Variants in KCTD17 observed in about 807,000 individuals in gnomAD.
KCTD17 encodes the protein potassium channel tetramerization domain containing 17, also known as BTB/POZ domain-containing protein KCTD17.
In KCTD17, 20 loss-of-function variants were observed where a neutral mutation model predicts 41.5. That is an observed-to-expected ratio of 0.48 (90% CI 0.34 to 0.70). The LOEUF (loss-of-function observed/expected upper bound fraction) is 0.70. Among genes scored for constraint, KCTD17 ranks in the 30% least tolerant of loss-of-function variants. The pLI is 0.01. For synonymous variants in KCTD17, 156 were observed against 173.8 expected (o/e 0.90, Z 0.80); for missense variants, 317 against 427.2 (o/e 0.74, Z 2.27).
chr22:37,053,288 AC>A lies in KCTD17; in HGVS notation c.298+82del. 1.8e-6 allele frequency: 2 copies of A among 1,091,292 alleles called. No individual in the cohort carries two copies. Among genetic ancestry groups the A allele is most frequent in the Non-Finnish European group, 2.7e-6 (2 of 733,608 alleles). The allele number at this position is 1,091,292 out of a possible 1,614,324, so 67.6% of individuals were successfully genotyped here. A position where few individuals can be genotyped will look rare whatever the true frequency, so the allele number is the denominator to read the frequency against. The stretch of plus-strand genomic sequence containing the variant: ...GTGGAGGCCCCAAGCCATTTGGACA[AC>A]CAGGACGGCCATCTGCCTGCTTGGT... On this transcript the variant is annotated intron_variant, in intron 2 of 8. Coordinates refer to ENST00000403888, the MANE Select transcript of KCTD17 (RefSeq NM_001282684.2). The surrounding 1 kb of genome is among the most constrained non-coding windows in gnomAD (Gnocchi z 4.1).
intron 5 of KCTD17, among the ~76,000 whole-genome samples, chr22:37,059,834 T>C (rs78029853): frequency 0.017 from 2,533 of 152,260 alleles, 40 homozygotes; most frequent in Non-Finnish European, 0.021. Flanking sequence ...CACATACTCT[T>C]TGTAGTGCCT....
chr22:37,060,509 C>G (rs937716099), intron 5 of KCTD17, among the ~76,000 whole-genome samples: 2 of 152,190 alleles, frequency 1.3e-5, no homozygotes, highest in Non-Finnish European at 2.9e-5. Context: ...AGGCACCCCT[C>G]AGGGATACCC....
chr22:37,061,744 A>G lies in KCTD17; in HGVS notation c.875+115A>G. On this transcript the variant is annotated intron_variant, in intron 8 of 8. Transcript: ENST00000403888. This position sits in a 1 kb window ranked among gnomAD's most constrained non-coding sequence, Gnocchi z 6.6. ...TTATCTCCACCCACCAAAGTTTCTC[A>G]TCCGACCTTGGCCTTGGGGGTGAGG... The G allele has an allele frequency of 6.9e-7, 1 of 1,438,882 alleles. No individual in the cohort carries two copies. The allele number at this position is 1,438,882 out of a possible 1,614,324, so 89.1% of individuals were successfully genotyped here. A position where few individuals can be genotyped will look rare whatever the true frequency, so the allele number is the denominator to read the frequency against.
intron 5 of KCTD17, among the ~76,000 whole-genome samples, chr22:37,060,174 G>A (rs902483502): frequency 6.6e-6 from 1 of 152,224 alleles, no homozygotes; most frequent in Non-Finnish European, 1.5e-5. Context: ...GAGCAGGCGT[G>A]AACCAGGCTG....
At chr22:37,060,331 C>A (rs1393568154) in intron 5 of KCTD17, among the ~76,000 whole-genome samples, 1 of 150,532 alleles carries the variant, frequency 6.6e-6, no homozygotes, top group Non-Finnish European at 1.5e-5. Flanking sequence ...GCTGACGCTG[C>A]CCTGCAAGGG....
chr22:37,057,594 C>G, intron 4 of KCTD17, 101 bp downstream of exon 4: 1 of 859,384 alleles, frequency 1.2e-6, no homozygotes, highest in East Asian at 2.6e-5. Flanking sequence ...CTTGGGTTCC[C>G]CACCACAGTC....
In KCTD17 at chr22:37,051,956, C is replaced by G. The variant is rs775911747; in HGVS notation, c.189+7C>G. The G allele has an allele frequency of 6.8e-7, 1 of 1,462,018 alleles. No homozygotes were observed. The highest frequency in any genetic ancestry group is 1.3e-5 in the South Asian group (1 of 75,844). The allele number at this position is 1,462,018 out of a possible 1,614,324, so 90.6% of individuals were successfully genotyped here. A position where few individuals can be genotyped will look rare whatever the true frequency, so the allele number is the denominator to read the frequency against. Reference sequence around the variant, plus strand: ...AGAGCTGCAGTCGGACCGGGTGAGGCCCCCGGGGTGGGCGGCGAGCGGGCG... The same window carrying G: ...AGAGCTGCAGTCGGACCGGGTGAGGGCCCCGGGGTGGGCGGCGAGCGGGCG... On this transcript the variant is annotated splice_region_variant and intron_variant, in intron 1 of 8. Coordinates refer to ENST00000403888, the MANE Select transcript of KCTD17 (RefSeq NM_001282684.2).
At chr22:37,055,955 A>G (rs1309969828) in intron 2 of KCTD17, among the ~76,000 whole-genome samples, 1 of 152,244 alleles carries the variant, frequency 6.6e-6, no homozygotes, top group Non-Finnish European at 1.5e-5. Context: ...CTTAATAAAT[A>G]GGAGCACATA....
intron 5 of KCTD17, 48 bp downstream of exon 5, chr22:37,059,486 C>A (rs1340374021): frequency 1.3e-6 from 2 of 1,562,040 alleles, no homozygotes; most frequent in Non-Finnish European, 1.7e-6. Flanking sequence ...TCCTGTCTCC[C>A]TCCACCCTCC....
chr22:37,057,368 G>T, intron 3 of KCTD17, 30 bp from the exon 4 acceptor site: 1 of 1,588,818 alleles, frequency 6.3e-7, no homozygotes, highest in Non-Finnish European at 8.6e-7. Flanking sequence ...GCTCCCACAG[G>T]TGCCCTCTAT....
At chr22:37,057,720 G>A (rs1252520889) in intron 4 of KCTD17, among the ~76,000 whole-genome samples, 6 of 152,202 alleles carry the variant, frequency 3.9e-5, no homozygotes, top group Admixed American at 1.3e-4. Context: ...AGGACAGCAC[G>A]GGGTGTCCTT....
In KCTD17 at chr22:37,061,923, T is replaced by C. The variant is rs1925846153; in HGVS notation, c.875+294T>C. On this transcript the variant is annotated intron_variant, in intron 8 of 8. Transcript: ENST00000403888. This position sits in a 1 kb window ranked among gnomAD's most constrained non-coding sequence, Gnocchi z 6.6. ...GCTCCTGTGTCACTGCCTTGTGGCA[T>C]CCCCTATTTCTGTGGGGATGGGGAG... 1 of 985,386 alleles carries C rather than the reference T, an allele frequency of 1.0e-6. No homozygotes were observed. The highest frequency in any genetic ancestry group is 1.7e-5 in the African/African-American group (1 of 57,334). 61.0% of individuals were successfully genotyped at this position (985,386 alleles called of 1,614,324 possible). A position where few individuals can be genotyped will look rare whatever the true frequency, so the allele number is the denominator to read the frequency against.
In KCTD17 at chr22:37,062,527, G is replaced by C; in HGVS notation, c.878G>C (p.Cys293Ser). 1 of 1,609,854 alleles carries C rather than the reference G, an allele frequency of 6.2e-7. No individual in the cohort carries two copies. Residue 293 changes from cysteine (C) to serine (S), a missense_variant and splice_region_variant, in exon 9 of 9, where the codon TGT becomes TCT. Cys to Ser is a moderately radical substitution (Grantham distance 112). Coordinates refer to ENST00000403888, the MANE Select transcript of KCTD17 (RefSeq NM_001282684.2). ...LARPQSCHPC[C>S]YKPEAPGCEA... ...CCCTTCCCCTCTTTTTTTTCTAGCT[G>C]TTACAAGCCAGAGGCACCCGGATGT... is the stretch of plus-strand genomic sequence containing the variant.
chr22:37,051,873 C>A lies in KCTD17; in HGVS notation c.113C>A (p.Thr38Asn). Residue 38 changes from threonine to asparagine, a missense_variant, in exon 1 of 9, where the codon ACC (threonine) becomes AAC (asparagine). Thr to Asn is a moderately conservative substitution (Grantham distance 65). Coordinates refer to ENST00000403888, the MANE Select transcript of KCTD17 (RefSeq NM_001282684.2). ...GTGGGGGGCACGGTGTTCCTGACCA[C>A]CCGGCAGACGCTGTGCCGCGAGCAG... ...LNVGGTVFLTTRQTLCREQKS... is the reference protein window; with the variant it reads ...LNVGGTVFLTNRQTLCREQKS... 2 of 1,492,966 alleles carry A rather than the reference C, an allele frequency of 1.3e-6. No homozygotes were observed. The highest frequency in any genetic ancestry group is 1.8e-6 in the Non-Finnish European group (2 of 1,121,646). The allele number at this position is 1,492,966 out of a possible 1,614,324, so 92.5% of individuals were successfully genotyped here.
Position 37,061,500 on chromosome 22 carries a change from C to A in KCTD17, c.785-39C>A. On this transcript the variant is annotated intron_variant, in intron 7 of 8. Coordinates refer to ENST00000403888, the MANE Select transcript of KCTD17 (RefSeq NM_001282684.2). The surrounding 1 kb of genome is among the most constrained non-coding windows in gnomAD (Gnocchi z 6.6). ...CTGGCTGCAGGCCCTGCCCCCCCTC[C>A]TCTCCTCCCGGCCTCCTCCTCACGT... 1 of 1,582,714 alleles carries A rather than the reference C, an allele frequency of 6.3e-7. No homozygotes were observed. The highest frequency in any genetic ancestry group is 2.3e-5 in the East Asian group (1 of 44,012).
In KCTD17 at chr22:37,056,379, C is replaced by T. The variant is rs1200941688; in HGVS notation, c.358C>T (p.Arg120Trp). 7 of 1,613,452 alleles carry T rather than the reference C, an allele frequency of 4.3e-6. No individual in the cohort carries two copies. The highest frequency in any genetic ancestry group is 1.6e-4 in the Middle Eastern group (1 of 6,080). Residue 120 changes from arginine (R) to tryptophan (W), a missense_variant, in exon 3 of 9, where the codon CGG (arginine) becomes TGG (tryptophan). Arg to Trp is a moderately radical substitution (Grantham distance 101). This residue lies in a region of KCTD17 where 27 missense variants were observed against 24.0 expected (regional missense o/e 1.13). Transcript: ENST00000403888. ...IGPLIRIIKD[R>W]MEEKDYTVTQ... ...CCCGCTGATCCGCATCATCAAAGAC[C>T]GGATGGAAGAGAAGGACTACACGGT... is the stretch of plus-strand genomic sequence containing the variant.
At chr22:37,060,987 G>A (rs910012483) in intron 6 of KCTD17, 65 bp downstream of exon 6, 2 of 1,543,224 alleles carry the variant, frequency 1.3e-6, no homozygotes, top group African/African-American at 1.4e-5. Context: ...ACTCCTTGCT[G>A]GAGCCAGCTG....
At position 37,061,343 on chromosome 22, in the gene KCTD17, C is replaced by T. The variant is rs935087709; in HGVS notation, c.784+168C>T. On this transcript the variant is annotated intron_variant, in intron 7 of 8. Coordinates refer to ENST00000403888, the MANE Select transcript of KCTD17 (RefSeq NM_001282684.2). The surrounding 1 kb of genome is among the most constrained non-coding windows in gnomAD (Gnocchi z 6.6). ...CCTCCACCCAGGCCCCCTGGCCCTG[C>T]ATCCCAGAGCGTCCTGCCTGCCGCC... The T allele has an allele frequency of 1.2e-5, 18 of 1,483,634 alleles. No individual in the cohort carries two copies. The highest frequency in any genetic ancestry group is 1.5e-5 in the Non-Finnish European group (17 of 1,118,846). 91.9% of individuals were successfully genotyped at this position (1,483,634 alleles called of 1,614,324 possible).
chr22:37,061,319 C>G lies in KCTD17; in HGVS notation c.784+144C>G. On this transcript the variant is annotated intron_variant, in intron 7 of 8. Coordinates refer to ENST00000403888, the MANE Select transcript of KCTD17 (RefSeq NM_001282684.2). This position sits in a 1 kb window ranked among gnomAD's most constrained non-coding sequence, Gnocchi z 6.6. Reference sequence around the variant, plus strand: ...TGCCCTGGTCCCAGCCTCCCGTGCCCTCCACCCAGGCCCCCTGGCCCTGCA... The same window carrying G: ...TGCCCTGGTCCCAGCCTCCCGTGCCGTCCACCCAGGCCCCCTGGCCCTGCA... The G allele has an allele frequency of 2.7e-6, 4 of 1,504,874 alleles. No individual in the cohort carries two copies. The highest frequency in any genetic ancestry group is 8.9e-7 in the Non-Finnish European group (1 of 1,128,594). The allele number at this position is 1,504,874 out of a possible 1,614,324, so 93.2% of individuals were successfully genotyped here. A position where few individuals can be genotyped will look rare whatever the true frequency, so the allele number is the denominator to read the frequency against.
Sources: gnomAD v4.1 joint callset for allele counts (sites outside exome capture counted in the v4.1 genomes callset) on GRCh38, gnomAD v4.1.1 for gene constraint, gnomAD v4.1.1 regional missense constraint, Gnocchi (gnomAD v3.1) non-coding constraint, MANE v1.5 for transcripts, NCBI Gene and HGNC (gene_info 2026-07-23, HGNC 2026-07-21) for gene names.